The following ADCY5 variants were observed in gnomAD, a reference collection of about 807,000 sequenced individuals.
ADCY5 encodes adenylate cyclase 5.
In ADCY5, 30 loss-of-function variants were observed where a neutral mutation model predicts 119.7. That is an observed-to-expected ratio of 0.25 (90% CI 0.19 to 0.34). The LOEUF (loss-of-function observed/expected upper bound fraction) is 0.34. Ranked by LOEUF, ADCY5 falls within the 10% of genes least tolerant of loss-of-function variation. The probability of loss-of-function intolerance (pLI) is 1.00; values close to 1 mark genes in which losing one functional copy is unlikely to be tolerated. For synonymous variants in ADCY5, 753 were observed against 762.2 expected, an observed-to-expected ratio of 0.99 and a Z score of 0.20; for missense variants, 1,324 against 1,775.2, an observed-to-expected ratio of 0.75 and a Z score of 4.57.
At chr3:123,400,674 C>T (rs1007773850) in intron 1 of ADCY5, among the ~76,000 whole-genome samples, 3 of 152,184 alleles carry the variant, frequency 2.0e-5, no homozygotes, top group African/African-American at 7.2e-5. Context: ...GGGCCAGGCA[C>T]GGTGGCTCAC....
In ADCY5 at chr3:123,304,052, C is replaced by T. The variant is rs768184810; in HGVS notation, c.2559+15G>A. 2.2e-5 allele frequency: 35 copies of T among 1,562,434 alleles called. No individual in the cohort carries two copies. The highest frequency in any genetic ancestry group is 1.7e-4 in the Middle Eastern group (1 of 5,998). ...TGGGGCTGCGGAGGTGCTAGGAGGT[C>T]GTGCAGCCACCCACCATGTTGACAA... On this transcript the variant is annotated intron_variant, in intron 13 of 20. Coordinates refer to ENST00000462833, the MANE Select transcript of ADCY5 (RefSeq NM_183357.3).
At chr3:123,298,417 G>A (rs1440343185) in intron 15 of ADCY5, among the ~76,000 whole-genome samples, 1 of 152,074 alleles carries the variant, frequency 6.6e-6, no homozygotes, top group Admixed American at 6.6e-5. Context: ...GTAAGAGGAG[G>A]GCAACATTCC....
chr3:123,393,864 C>G (rs543570627), intron 1 of ADCY5, among the ~76,000 whole-genome samples: 1 of 150,704 alleles, frequency 6.6e-6, no homozygotes, highest in Non-Finnish European at 1.5e-5. Context: ...CGGCTGGGCG[C>G]GGTGGTTCAC....
rs56388061 is a variant in ADCY5, at chr3:123,328,611, C to T, written c.1805+33G>A. 5.2e-4 allele frequency: 838 copies of T among 1,608,832 alleles called. 5 individuals are homozygous for T. The highest frequency in any genetic ancestry group is 1.5e-3 in the Middle Eastern group (9 of 6,050). On this transcript the variant is annotated intron_variant, in intron 6 of 20. Transcript: ENST00000462833. ...GGTGGGCTTGAGTGGGAACCCAGGT[C>T]GGGGCCCCAAGCCACCCACAGCTGT...
At chr3:123,443,632 G>C (rs954929718) in intron 1 of ADCY5, among the ~76,000 whole-genome samples, 6 of 152,144 alleles carry the variant, frequency 3.9e-5, no homozygotes, top group Non-Finnish European at 8.8e-5. Context: ...GGAACAACTG[G>C]TGACAGTTGT....
At chr3:123,303,511 C>A (rs765778916) in intron 13 of ADCY5, among the ~76,000 whole-genome samples, 1 of 152,144 alleles carries the variant, frequency 6.6e-6, no homozygotes, top group African/African-American at 2.4e-5. Flanking sequence ...GAGCTAAGAA[C>A]TTCACTTAGT....
chr3:123,359,331 A>AATACATATATATATATATATAT (rs1476687771), intron 1 of ADCY5, among the ~76,000 whole-genome samples: 3 of 109,764 alleles, frequency 2.7e-5, no homozygotes, highest in African/African-American at 1.1e-4. Flanking sequence ...CTTATACTAA[A>AATACATATATATATATATATAT]ATATATATAT....
intron 1 of ADCY5, among the ~76,000 whole-genome samples, chr3:123,363,143 G>GAA (rs58854772): frequency 8.0e-5 from 4 of 50,028 alleles, no homozygotes; most frequent in Non-Finnish European, 9.4e-5. Context: ...ATTCCTTCTT[G>GAA]AAAAAAAAAA....
At chr3:123,442,859 C>T (rs1221223716) in intron 1 of ADCY5, among the ~76,000 whole-genome samples, 6 of 152,154 alleles carry the variant, frequency 3.9e-5, no homozygotes, top group Non-Finnish European at 8.8e-5. Context: ...TAAATATAAT[C>T]GGCAAATACA....
chr3:123,322,387 C>T (rs1941266020), intron 8 of ADCY5, among the ~76,000 whole-genome samples: 1 of 152,222 alleles, frequency 6.6e-6, no homozygotes, highest in Admixed American at 6.5e-5. Flanking sequence ...GTGCATGGGA[C>T]CCATTTTTTC....
intron 1 of ADCY5, among the ~76,000 whole-genome samples, chr3:123,383,392 A>G (rs900993579): frequency 3.9e-5 from 6 of 152,202 alleles, no homozygotes; most frequent in Non-Finnish European, 8.8e-5. Context: ...CACTTGAGGC[A>G]AGCGCGAAGG....
At chr3:123,317,634 C>T (rs978395271) in intron 11 of ADCY5, among the ~76,000 whole-genome samples, 3 of 151,760 alleles carry the variant, frequency 2.0e-5, no homozygotes, top group African/African-American at 7.3e-5. Context: ...ACTCAGGAGG[C>T]TGAGGCAGGA....
chr3:123,329,141 C>T (rs1171076973), intron 5 of ADCY5, among the ~76,000 whole-genome samples: 3 of 152,216 alleles, frequency 2.0e-5, no homozygotes, highest in Admixed American at 1.3e-4. Flanking sequence ...CACGTTAGGG[C>T]CGACTTGAAT....
intron 1 of ADCY5, among the ~76,000 whole-genome samples, chr3:123,424,948 GA>G (rs1348134773): frequency 4.6e-5 from 7 of 152,124 alleles, no homozygotes; most frequent in Non-Finnish European, 1.0e-4. Context: ...TAGCCAAAAA[GA>G]AAAAAAGGTT....
chr3:123,308,251 A>G (rs147333364), intron 12 of ADCY5, among the ~76,000 whole-genome samples: 1,935 of 151,458 alleles, frequency 0.013, 39 homozygotes, highest in African/African-American at 0.045. Context: ...GTTAGCCAGG[A>G]TGGTCTTGAT....
chr3:123,394,690 A>C (rs559323925), intron 1 of ADCY5, among the ~76,000 whole-genome samples: 4 of 152,334 alleles, frequency 2.6e-5, no homozygotes, highest in African/African-American at 7.2e-5. Context: ...ACAGAAAATG[A>C]GTTCTTAAAG....
chr3:123,330,821 G>T lies in ADCY5; in HGVS notation c.1646+68C>A, dbSNP rs1006204856. ...CTGCCTCCAACTAGGCAGCCGGCAG[G>T]TCAGTCAGTCGCTCGGGCTGTGGAC... On this transcript the variant is annotated intron_variant, in intron 5 of 20. Transcript: ENST00000462833. 143 of 1,502,028 alleles carry T rather than the reference G, an allele frequency of 9.5e-5. 3 individuals carry two copies. The South Asian group carries it at 1.9e-3, about 20-fold the overall frequency. 93.0% of individuals were successfully genotyped at this position (1,502,028 alleles called of 1,614,324 possible).
intron 1 of ADCY5, among the ~76,000 whole-genome samples, chr3:123,413,461 A>T (rs968385490): frequency 1.3e-5 from 2 of 152,152 alleles, no homozygotes; most frequent in Non-Finnish European, 2.9e-5. Context: ...CAGTAGAATC[A>T]CAGAAAACCT....
chr3:123,418,344 G>A lies in ADCY5; in HGVS notation c.1134+29068C>T, dbSNP rs540662714. The stretch of plus-strand genomic sequence containing the variant: ...CTGAGTAAAGAAAATCGCTGCCTTA[G>A]TACATTTTGTGTTGCTATAACAGAA... On this transcript the variant is annotated intron_variant, in intron 1 of 20. Transcript: ENST00000462833. Among the ~76,000 whole-genome samples the A allele has an allele frequency of 2.0e-5, 3 of 152,302 alleles. No homozygotes were observed. The East Asian group carries it at 5.8e-4, about 29-fold the overall frequency.
Sources: allele counts gnomAD v4.1 joint callset (sites outside exome capture counted in the v4.1 genomes callset), GRCh38; gene constraint gnomAD v4.1.1; transcripts MANE v1.5; gene names NCBI Gene and HGNC (gene_info 2026-07-23, HGNC 2026-07-21).